The following SLC5A4 variants were observed in gnomAD, a reference collection of about 807,000 sequenced individuals.
The protein encoded by SLC5A4 is solute carrier family 5 member 4.
Under a neutral mutation model 70.3 loss-of-function variants are expected in SLC5A4, and 55 were observed. The observed-to-expected ratio is 0.78, with a 90% CI of 0.63 to 0.98. The LOEUF (loss-of-function observed/expected upper bound fraction) is 0.98. Among genes scored for constraint, SLC5A4 ranks in the 50% least tolerant of loss-of-function variants. The pLI is 0.00. For synonymous variants in SLC5A4, 268 were observed against 305.7 expected (o/e 0.88, Z 1.29); for missense variants, 735 against 839.2 (o/e 0.88, Z 1.53).
chr22:32,225,815 A>G lies in SLC5A4; in HGVS notation c.1289T>C (p.Val430Ala). 1 of 1,598,236 alleles carries G rather than the reference A, an allele frequency of 6.3e-7. No homozygotes were observed. Among genetic ancestry groups the G allele is most frequent in the Non-Finnish European group, 8.5e-7 (1 of 1,173,126 alleles). Residue 430 changes from valine to alanine, a missense_variant, in exon 12 of 15, where the codon GTT becomes GCT. By Grantham distance (64) the Val-to-Ala change is moderately conservative (BLOSUM62 0). Transcript: ENST00000266086. ...KELLIAGRIF[V>A]LLLTVVSIVW... ...AATGCTCACAACAGTTAATAGAAGA[A>G]CAAATATCCTGAGAAGAAAACAACA...
chr22:32,353,560 A>T, the SLC5A4 span, among the ~76,000 whole-genome samples: 1 of 151,968 alleles, frequency 6.6e-6, no homozygotes, highest in Non-Finnish European at 1.5e-5. Context: ...CCCGTCACTG[A>T]CACCACCAGC....
intron 13 of SLC5A4, 107 bp from the exon 14 acceptor site, chr22:32,221,129 A>G (rs1925056758): frequency 1.4e-6 from 1 of 702,682 alleles, no homozygotes; most frequent in Non-Finnish European, 2.5e-6. Context: ...AAATCAAACC[A>G]TACAGGAGAA....
the SLC5A4 span, among the ~76,000 whole-genome samples, chr22:32,331,643 A>G: frequency 6.6e-6 from 1 of 152,140 alleles, no homozygotes; most frequent in Non-Finnish European, 1.5e-5. Context: ...GGCTTCTGGC[A>G]GACAGGACAG....
the SLC5A4 span, among the ~76,000 whole-genome samples, chr22:32,305,561 C>G: frequency 1.3e-5 from 2 of 148,438 alleles, no homozygotes; most frequent in Non-Finnish European, 3.0e-5. Flanking sequence ...CCTCTGGGCC[C>G]CAGGTGAGGT....
chr22:32,273,336 A>ATTGT, the SLC5A4 span: 1 of 197,454 alleles, frequency 5.1e-6, no homozygotes, highest in South Asian at 9.2e-5. Flanking sequence ...CTGTTGTAAT[A>ATTGT]TTGTTTACGG....
chr22:32,348,054 T>C, the SLC5A4 span, among the ~76,000 whole-genome samples: 3 of 152,136 alleles, frequency 2.0e-5, no homozygotes, highest in Admixed American at 1.3e-4. Flanking sequence ...AATAACAGCA[T>C]TGACGGCTGG....
At chr22:32,308,701 C>T in the SLC5A4 span, among the ~76,000 whole-genome samples, 1 of 147,762 alleles carries the variant, frequency 6.8e-6, no homozygotes, top group East Asian at 2.2e-4. Flanking sequence ...TGTCAGCTGC[C>T]TACTTGCTGC....
Position 32,248,797 on chromosome 22 carries a change from T to C in SLC5A4, c.318A>G (p.Ser106=), listed in dbSNP as rs1424555988. 6.2e-7 allele frequency: 1 copy of C among 1,611,490 alleles called. No homozygotes were observed. Among genetic ancestry groups the C allele is most frequent in the East Asian group, 2.2e-5 (1 of 44,862 alleles). ...TCCACCCAAGAATCAGCAACATTAC[T>C]GAGGACTACAAGGAACCAAAATAAG... ...VATVTFEWTS[S]VMLLILGWIF... is the part of the protein sequence containing the mutation. The change falls in exon 4 of 15, where the codon TCA becomes TCG. Residue 106 remains serine, a synonymous_variant. Coordinates refer to ENST00000266086, the MANE Select transcript of SLC5A4 (RefSeq NM_014227.3).
chr22:32,308,853 TGCATGTGTGC>T, the SLC5A4 span, among the ~76,000 whole-genome samples: 1 of 148,098 alleles, frequency 6.8e-6, no homozygotes, highest in Non-Finnish European at 1.5e-5. Flanking sequence ...TGCATATGTA[TGCATGTGTGC>T]ATGTATGTAC....
Position 32,237,275 on chromosome 22 carries a change from C to A in SLC5A4, c.633G>T (p.Met211Ile), listed in dbSNP as rs1926117643. The A allele has an allele frequency of 1.2e-6, 2 of 1,610,076 alleles. No individual in the cohort carries two copies. Among genetic ancestry groups the A allele is most frequent in the Non-Finnish European group, 1.7e-6 (2 of 1,178,030 alleles). Residue 211 changes from methionine (M) to isoleucine (I), a missense_variant, in exon 7 of 15, where the codon ATG becomes ATT. Physicochemically the swap from Met to Ile is conservative, Grantham distance 10. Coordinates refer to ENST00000266086, the MANE Select transcript of SLC5A4 (RefSeq NM_014227.3). ...IYTDTLQTII[M>I]LIGSFILMGF... ...CCATGAGAATAAAAGAGCCAATCAG[C>A]ATGATGATGGTCTGGAGGGTGTCTG...
chr22:32,320,329 T>C, the SLC5A4 span, among the ~76,000 whole-genome samples: 3 of 152,188 alleles, frequency 2.0e-5, no homozygotes, highest in East Asian at 5.8e-4. Context: ...ACGGTACAGA[T>C]GCCCACATCC....
the SLC5A4 span, among the ~76,000 whole-genome samples, chr22:32,260,370 C>G: frequency 1.3e-5 from 2 of 152,110 alleles, no homozygotes; most frequent in African/African-American, 2.4e-5. Flanking sequence ...GCCGTCACCT[C>G]TTATCACTTT....
At chr22:32,293,632 A>G in the SLC5A4 span, among the ~76,000 whole-genome samples, 1 of 152,028 alleles carries the variant, frequency 6.6e-6, no homozygotes, top group Non-Finnish European at 1.5e-5. Flanking sequence ...AACCCATGAG[A>G]CATTATTACA....
chr22:32,330,063 AGTGT>A, the SLC5A4 span, among the ~76,000 whole-genome samples: 19 of 11,790 alleles, frequency 1.6e-3, no homozygotes, highest in African/African-American at 8.7e-3. Flanking sequence ...GGGGCTCTAG[AGTGT>A]GTGTGTTGGA....
chr22:32,306,203 C>A, the SLC5A4 span, among the ~76,000 whole-genome samples: 3 of 152,194 alleles, frequency 2.0e-5, no homozygotes, highest in Admixed American at 2.0e-4. Flanking sequence ...CGGTGGCTCA[C>A]GCCTGTAATC....
chr22:32,309,789 G>A, the SLC5A4 span, among the ~76,000 whole-genome samples: 1 of 152,086 alleles, frequency 6.6e-6, no homozygotes, highest in East Asian at 1.9e-4. Context: ...ATAAGAAGCA[G>A]AGGCTCTGAG....
chr22:32,329,739 T>G, the SLC5A4 span, among the ~76,000 whole-genome samples: 1 of 17,626 alleles, frequency 5.7e-5, no homozygotes, highest in Non-Finnish European at 1.0e-4. Context: ...GTGTGTGTGT[T>G]GGGGGCTCTG....
At chr22:32,286,301 T>G in the SLC5A4 span, among the ~76,000 whole-genome samples, 8 of 152,354 alleles carry the variant, frequency 5.3e-5, no homozygotes, top group African/African-American at 1.7e-4. Flanking sequence ...TTTTAATTTG[T>G]GGGGTTTTAG....
At chr22:32,330,828 GT>G in the SLC5A4 span, among the ~76,000 whole-genome samples, 1 of 81,206 alleles carries the variant, frequency 1.2e-5, no homozygotes, top group Non-Finnish European at 2.5e-5. Flanking sequence ...AGGCTCTGGT[GT>G]GTGTGTGTGT....
Sources: allele counts gnomAD v4.1 joint callset (sites outside exome capture counted in the v4.1 genomes callset), GRCh38; gene constraint gnomAD v4.1.1; transcripts MANE v1.5; gene names NCBI Gene and HGNC (gene_info 2026-07-23, HGNC 2026-07-21).